The following ROBO2 variants were observed in gnomAD, a reference collection of about 807,000 sequenced individuals.
ROBO2 encodes the protein roundabout guidance receptor 2.
ROBO2 carries 53 observed loss-of-function variants against 160.8 expected under a neutral mutation model. That is an observed-to-expected ratio of 0.33 (90% CI 0.26 to 0.41). The LOEUF (loss-of-function observed/expected upper bound fraction) is 0.41, where lower values mean the gene tolerates loss of function less well. Ranked by LOEUF, ROBO2 falls within the 10% of genes least tolerant of loss-of-function variation. The pLI, the probability that ROBO2 is intolerant of heterozygous loss-of-function variation, is 1.00. For synonymous variants in ROBO2, 664 were observed against 611.7 expected (o/e 1.09, Z -1.26); for missense variants, 1,577 against 1,722.4 (o/e 0.92, Z 1.49).
intron 2 of ROBO2, among the ~76,000 whole-genome samples, chr3:76,536,886 T>C (rs2082536306): frequency 1.3e-5 from 2 of 152,108 alleles, no homozygotes; most frequent in Admixed American, 1.3e-4. Context: ...GAGACAAAGG[T>C]ACATGAATCC....
intron 2 of ROBO2, among the ~76,000 whole-genome samples, chr3:77,336,219 A>G (rs891920345): frequency 5.3e-5 from 8 of 152,190 alleles, no homozygotes; most frequent in African/African-American, 1.9e-4. Flanking sequence ...ATAAAGAGCC[A>G]GGCTTTTGGG....
intron 2 of ROBO2, among the ~76,000 whole-genome samples, chr3:77,148,843 C>T (rs1304912338): frequency 6.6e-6 from 1 of 152,078 alleles, no homozygotes; most frequent in African/African-American, 2.4e-5. Flanking sequence ...GTACAATTTC[C>T]TCAATCCTGA....
intron 2 of ROBO2, among the ~76,000 whole-genome samples, chr3:76,780,409 C>G (rs188729010): frequency 6.6e-6 from 1 of 150,830 alleles, no homozygotes; most frequent in East Asian, 2.0e-4. Flanking sequence ...GTTTTATTTT[C>G]TGTGTAGAAG....
At chr3:77,138,497 C>T (rs758073116) in intron 2 of ROBO2, among the ~76,000 whole-genome samples, 10 of 152,096 alleles carry the variant, frequency 6.6e-5, no homozygotes, top group Non-Finnish European at 1.3e-4. Flanking sequence ...TCTAGTGTAT[C>T]CAGGTTAGAA....
At chr3:77,563,394 C>G in intron 11 of ROBO2, 65 bp downstream of exon 12, 1 of 1,422,176 alleles carries the variant, frequency 7.0e-7, no homozygotes, top group Non-Finnish European at 9.9e-7. Context: ...AAAATGTCAC[C>G]TGAACTATCC....
rs139394342 is a variant in ROBO2 at position 76,776,776 on chromosome 3, A to G, written c.110-321238A>G. On this transcript the variant is annotated intron_variant, in intron 2 of 26. Transcript: ENST00000487694. ...AAAGAGGCTAATACTAAATTTGGCT[A>G]CATTGCTGCTCCCAACATTTCCAAT... Among the ~76,000 whole-genome samples, 487 of 151,104 alleles carry G rather than the reference A, an allele frequency of 3.2e-3. 2 individuals carry two copies. Among genetic ancestry groups the G allele is most frequent in the Admixed American group, 6.1e-3 (93 of 15,134 alleles).
chr3:76,772,946 G>A (rs151210990), intron 2 of ROBO2, among the ~76,000 whole-genome samples: 197 of 151,192 alleles, frequency 1.3e-3, no homozygotes, highest in African/African-American at 4.6e-3. Context: ...TAAAATTTTG[G>A]CATCGATGGA....
chr3:76,392,831 C>A (rs1007676113), intron 2 of ROBO2, among the ~76,000 whole-genome samples: 1 of 152,034 alleles, frequency 6.6e-6, no homozygotes, highest in South Asian at 2.1e-4. Flanking sequence ...GAATTTTGAT[C>A]ATCTTCACAA....
chr3:77,557,827 A>G (rs1363398726), intron 8 of ROBO2, 117 bp from the exon 10 acceptor site: 14 of 790,424 alleles, frequency 1.8e-5, no homozygotes, highest in Non-Finnish European at 3.0e-5. Flanking sequence ...ATTGCTTAGA[A>G]TAAGTTATAA....
At chr3:75,975,332 T>G (rs1211066476) in intron 2 of ROBO2, among the ~76,000 whole-genome samples, 1 of 151,474 alleles carries the variant, frequency 6.6e-6, no homozygotes, top group African/African-American at 2.4e-5. Context: ...ATTATTTATA[T>G]AAAAATGAAT....
intron 2 of ROBO2, among the ~76,000 whole-genome samples, chr3:76,625,426 G>A (rs2109345280): frequency 6.6e-6 from 1 of 152,194 alleles, no homozygotes; most frequent in East Asian, 1.9e-4. Flanking sequence ...ACAGCCAGAT[G>A]TCATTTTTTG....
intron 2 of ROBO2, among the ~76,000 whole-genome samples, chr3:76,931,550 G>GAC (rs148001909): frequency 0.014 from 2,053 of 150,714 alleles, 46 homozygotes; most frequent in African/African-American, 0.047. Flanking sequence ...TGCTTTATAA[G>GAC]ACACATACAC....
At chr3:76,904,993 G>GT (rs1312195090) in intron 2 of ROBO2, among the ~76,000 whole-genome samples, 4 of 151,968 alleles carry the variant, frequency 2.6e-5, no homozygotes, top group African/African-American at 9.7e-5. Flanking sequence ...TTTTTTGTTT[G>GT]TTTTTAGGAA....
chr3:76,665,621 A>G (rs1450448675), intron 2 of ROBO2, among the ~76,000 whole-genome samples: 2 of 151,634 alleles, frequency 1.3e-5, no homozygotes, highest in African/African-American at 4.8e-5. Context: ...GTTTGATGTT[A>G]GGAATTCTTA....
At chr3:77,313,119 T>C (rs2063688333) in intron 2 of ROBO2, among the ~76,000 whole-genome samples, 1 of 152,234 alleles carries the variant, frequency 6.6e-6, no homozygotes, top group Non-Finnish European at 1.5e-5. Flanking sequence ...AGGAACAAGA[T>C]AAAGCATAGG....
chr3:76,146,436 C>A (rs2071890958), intron 2 of ROBO2, among the ~76,000 whole-genome samples: 1 of 151,856 alleles, frequency 6.6e-6, no homozygotes, highest in African/African-American at 2.4e-5. Flanking sequence ...CTGAACAAAT[C>A]CTTTTTCCTC....
rs116948441 is a variant in ROBO2, at chr3:76,828,887, G to C, written c.110-269127G>C. 9.9e-3 allele frequency among the ~76,000 whole-genome samples: 1,507 copies of C among 151,716 alleles called. 65 individuals carry two copies. The highest frequency in any genetic ancestry group is 0.063 in the Admixed American group (963 of 15,230). ...TCTTTTTACAGACAGAAAAAAAAAA[G>C]ATCTTTCCCTTTGAGAGCTATCTTT... On this transcript the variant is annotated intron_variant, in intron 2 of 26. Transcript: ENST00000487694.
chr3:77,599,590 A>G (rs1666131), intron 19 of ROBO2, among the ~76,000 whole-genome samples: 85,030 of 151,116 alleles, frequency 0.56, 24,068 homozygotes, highest in Middle Eastern at 0.68. Context: ...TGGCACATGT[A>G]TACATATGTA....
Position 76,704,258 on chromosome 3 carries a change from A to C in ROBO2, c.110-393756A>C, listed in dbSNP as rs1041706910. Among the ~76,000 whole-genome samples the C allele has an allele frequency of 1.2e-4, 18 of 152,290 alleles. No homozygotes were observed. In the East Asian group the frequency reaches 3.1e-3, roughly 26 times the overall value. On this transcript the variant is annotated intron_variant, in intron 2 of 26. Coordinates refer to the ROBO2 transcript ENST00000487694. The stretch of plus-strand genomic sequence containing the variant: ...GGCTGTGTATCAGAGTCCCTCTGAA[A>C]AGTGAGAGTGTGAACATTCACACAG...
Sources: gnomAD v4.1 joint callset for allele counts (sites outside exome capture counted in the v4.1 genomes callset) on GRCh38, gnomAD v4.1.1 for gene constraint, MANE v1.5 for transcripts, NCBI Gene and HGNC (gene_info 2026-07-23, HGNC 2026-07-21) for gene names.